Variants in DNAJB6 observed in about 807,000 individuals in gnomAD.
DNAJB6 encodes DnaJ heat shock protein family (Hsp40) member B6.
A neutral mutation model predicts 42.7 loss-of-function variants in DNAJB6; 16 were observed. That is an observed-to-expected ratio of 0.37 (90% CI 0.25 to 0.57). The LOEUF (loss-of-function observed/expected upper bound fraction) is 0.57. Ranked by LOEUF, DNAJB6 falls within the 20% of genes least tolerant of loss-of-function variation. The pLI, the probability that DNAJB6 is intolerant of heterozygous loss-of-function variation, is 0.74. For synonymous variants in DNAJB6, 170 were observed against 163.5 expected (o/e 1.04, Z -0.30); for missense variants, 347 against 416.8 (o/e 0.83, Z 1.46).
At chr7:157,360,110 G>A (rs1444872475) in intron 2 of DNAJB6, among the ~76,000 whole-genome samples, 1 of 152,306 alleles carries the variant, frequency 6.6e-6, no homozygotes, top group African/African-American at 2.4e-5. Flanking sequence ...CTGTTTTTAC[G>A]CTGCTGATAA....
At chr7:157,339,968 G>A (rs1798273467) in intron 1 of DNAJB6, 1 of 152,194 alleles carries the variant, frequency 6.6e-6, no homozygotes, top group Non-Finnish European at 1.5e-5. Flanking sequence ...CATAACTTGG[G>A]CAGGTATTTT....
intron 1 of DNAJB6, among the ~76,000 whole-genome samples, chr7:157,352,559 T>A (rs771563412): frequency 1.3e-5 from 2 of 152,010 alleles, no homozygotes; most frequent in African/African-American, 4.8e-5. Flanking sequence ...GGGTGTGGCA[T>A]CTCTGCAGAT....
At chr7:157,361,777 CATTCATGT>C (rs1279709210) in intron 2 of DNAJB6, among the ~76,000 whole-genome samples, 1 of 151,820 alleles carries the variant, frequency 6.6e-6, no homozygotes, top group Non-Finnish European at 1.5e-5. Context: ...TTCATTCATG[CATTCATGT>C]TGAGCCGGAG....
chr7:157,408,790 G>A (rs1250606609), intron 8 of DNAJB6, among the ~76,000 whole-genome samples: 1 of 152,266 alleles, frequency 6.6e-6, no homozygotes, highest in Admixed American at 6.5e-5. Flanking sequence ...TTCAATGGCT[G>A]AGTGCTCCTC....
chr7:157,394,938 A>C (rs935888832), intron 8 of DNAJB6, among the ~76,000 whole-genome samples: 4 of 152,100 alleles, frequency 2.6e-5, no homozygotes, highest in Non-Finnish European at 4.4e-5. Context: ...AAGAATAGAA[A>C]ATATTAGCCT....
At chr7:157,406,116 G>C (rs927414137) in intron 8 of DNAJB6, among the ~76,000 whole-genome samples, 22 of 152,224 alleles carry the variant, frequency 1.4e-4, no homozygotes, top group African/African-American at 4.3e-4. Flanking sequence ...CCAACTGTGT[G>C]TCCCTTTTGT....
At chr7:157,337,992 C>T (rs532003252) in intron 1 of DNAJB6, among the ~76,000 whole-genome samples, 1 of 152,286 alleles carries the variant, frequency 6.6e-6, no homozygotes, top group South Asian at 2.1e-4. Context: ...GAAGGGGTGC[C>T]GCCTGCGAGC....
chr7:157,362,229 TTGGG>T (rs1799639293), intron 2 of DNAJB6, among the ~76,000 whole-genome samples: 1 of 152,170 alleles, frequency 6.6e-6, no homozygotes, highest in South Asian at 2.1e-4. Flanking sequence ...TCCTGGCCTG[TTGGG>T]TGGCAGGTGA....
intron 2 of DNAJB6, among the ~76,000 whole-genome samples, chr7:157,360,199 T>C (rs1799507184): frequency 1.3e-5 from 2 of 152,130 alleles, no homozygotes; most frequent in South Asian, 4.1e-4. Flanking sequence ...CTTACAATCA[T>C]GGAGGAGGGC....
chr7:157,342,304 A>ATT (rs1235264259), intron 1 of DNAJB6, among the ~76,000 whole-genome samples: 1 of 140,118 alleles, frequency 7.1e-6, no homozygotes, highest in African/African-American at 2.6e-5. Context: ...AGTAGCTGGG[A>ATT]TTACAGGCAC....
intron 3 of DNAJB6, among the ~76,000 whole-genome samples, chr7:157,365,314 C>T (rs997483090): frequency 6.6e-6 from 1 of 152,212 alleles, no homozygotes; most frequent in Non-Finnish European, 1.5e-5. Context: ...CTTCTAATGT[C>T]ATTGTTTTTG....
At chr7:157,386,939 AAT>A (rs1174608608) in intron 8 of DNAJB6, among the ~76,000 whole-genome samples, 9 of 152,034 alleles carry the variant, frequency 5.9e-5, no homozygotes, top group Non-Finnish European at 1.2e-4. Flanking sequence ...CTCAGTTTGT[AAT>A]ATCTTTCATG....
intron 8 of DNAJB6, among the ~76,000 whole-genome samples, chr7:157,389,409 T>A (rs1444356470): frequency 1.3e-5 from 2 of 151,704 alleles, no homozygotes; most frequent in African/African-American, 4.9e-5. Flanking sequence ...GAGGCAGATG[T>A]TGTTATTTCG....
At position 157,384,592 on chromosome 7, in the gene DNAJB6, C is replaced by G. The variant is rs3802085; in HGVS notation, c.479-275C>G. Among the ~76,000 whole-genome samples the G allele has an allele frequency of 2.4e-3, 363 of 152,344 alleles. 9 individuals are homozygous for G. In the East Asian group the frequency reaches 0.055, roughly 23 times the overall value. ...GGCTGTCTTTGGCATGTCAGAAAAG[C>G]TGCTTGGGTCCCGCGAAGCTCTGCA... On this transcript the variant is annotated intron_variant, in intron 6 of 9. Coordinates refer to ENST00000262177, the MANE Select transcript of DNAJB6 (RefSeq NM_058246.4).
chr7:157,338,336 CTTT>C (rs111666619), intron 1 of DNAJB6, among the ~76,000 whole-genome samples: 3 of 145,326 alleles, frequency 2.1e-5, no homozygotes, highest in Non-Finnish European at 4.6e-5. Flanking sequence ...TCCAGACTTC[CTTT>C]TTTTTTTTTT....
rs561914813 is a variant in DNAJB6 at position 157,353,577 on chromosome 7, C to T, written c.-26-4970C>T. Among the ~76,000 whole-genome samples the T allele has an allele frequency of 3.1e-5, 4 of 130,934 alleles. No individual in the cohort carries two copies. The East Asian group carries it at 6.6e-4, about 21-fold the overall frequency. 85.9% of individuals were successfully genotyped at this position (130,934 alleles called of 152,430 possible). A position where few individuals can be genotyped will look rare whatever the true frequency, so the allele number is the denominator to read the frequency against. ...ACAGGTTGTCTGTCCCGTTGTTTTT[C>T]TTGACCGGGGTGTGTGTGTGTGTGT... On this transcript the variant is annotated intron_variant, in intron 1 of 9. Transcript: ENST00000262177.
chr7:157,344,811 CTG>C (rs1334564803), intron 1 of DNAJB6, among the ~76,000 whole-genome samples: 1 of 151,976 alleles, frequency 6.6e-6, no homozygotes, highest in South Asian at 2.1e-4. Flanking sequence ...CAAGATTTTG[CTG>C]TGTTACTCAG....
chr7:157,370,761 T>C (rs368037725), intron 5 of DNAJB6: 5 of 152,804 alleles, frequency 3.3e-5, no homozygotes, highest in South Asian at 2.1e-4. Context: ...TCCGTTCTTA[T>C]AGGTGTTCTA....
At chr7:157,340,072 T>C (rs900348979) in intron 1 of DNAJB6, 1 of 152,234 alleles carries the variant, frequency 6.6e-6, no homozygotes, top group African/African-American at 2.4e-5. Context: ...GCTTCTATAT[T>C]GGTTAATGCT....
Sources: allele counts gnomAD v4.1 joint callset (sites outside exome capture counted in the v4.1 genomes callset), GRCh38; gene constraint gnomAD v4.1.1; transcripts MANE v1.5; gene names NCBI Gene and HGNC (gene_info 2026-07-23, HGNC 2026-07-21).